The following UBE2H variants were observed in gnomAD, a reference collection of about 807,000 sequenced individuals.
UBE2H encodes ubiquitin-conjugating enzyme E2 H.
Under a neutral mutation model 29.0 loss-of-function variants are expected in UBE2H, and 3 were observed. The ratio of observed to expected loss-of-function variants is 0.10; its 90% CI spans 0.05 to 0.27. The LOEUF (loss-of-function observed/expected upper bound fraction) is 0.27. Ranked by LOEUF, UBE2H falls within the 10% of genes least tolerant of loss-of-function variation. The pLI is 1.00. For missense variants in UBE2H, 68 were observed against 228.2 expected, an observed-to-expected ratio of 0.30 and a Z score of 4.52; for synonymous variants, 69 against 82.9, an observed-to-expected ratio of 0.83 and a Z score of 0.91.
intron 3 of UBE2H, among the ~76,000 whole-genome samples, chr7:129,859,183 C>T (rs922395717): frequency 2.0e-5 from 3 of 152,144 alleles, no homozygotes; most frequent in African/African-American, 7.2e-5. Flanking sequence ...TTATACAAAA[C>T]AATCATTAAA....
Position 129,887,949 on chromosome 7 carries a change from A to G in UBE2H, c.54-6978T>C, listed in dbSNP as rs367694418. 1.7e-3 allele frequency among the ~76,000 whole-genome samples: 252 copies of G among 152,256 alleles called. 3 individuals carry two copies. Among genetic ancestry groups the G allele is most frequent in the Middle Eastern group, 0.014 (4 of 294 alleles). On this transcript the variant is annotated intron_variant, in intron 1 of 6. Transcript: ENST00000355621. ...AGACTTTACATTGAAAGAGAAGCAT[A>G]CTCTGCTAACATTCTGAAGGAAACA... is the stretch of plus-strand genomic sequence containing the variant.
At chr7:129,866,068 C>T (rs1054813712) in intron 3 of UBE2H, among the ~76,000 whole-genome samples, 8 of 152,124 alleles carry the variant, frequency 5.3e-5, no homozygotes, top group African/African-American at 1.7e-4. Flanking sequence ...AGCCTGTGCC[C>T]GGGTAGAAAT....
intron 1 of UBE2H, among the ~76,000 whole-genome samples, chr7:129,943,469 A>C (rs532437431): frequency 6.6e-6 from 1 of 152,254 alleles, no homozygotes; most frequent in East Asian, 1.9e-4. Context: ...ATCAGCTTTA[A>C]CCAAATTCAG....
At chr7:129,898,658 G>A (rs1563039180) in intron 1 of UBE2H, among the ~76,000 whole-genome samples, 1 of 152,096 alleles carries the variant, frequency 6.6e-6, no homozygotes, top group African/African-American at 2.4e-5. Flanking sequence ...TTTGCACCAC[G>A]GAGACAAGTA....
chr7:129,919,313 T>C (rs1807109040), intron 1 of UBE2H, among the ~76,000 whole-genome samples: 1 of 152,042 alleles, frequency 6.6e-6, no homozygotes, highest in East Asian at 1.9e-4. Flanking sequence ...GACCATCACG[T>C]TTAATACCAG....
chr7:129,910,954 C>T (rs1806923559), intron 1 of UBE2H, among the ~76,000 whole-genome samples: 1 of 152,114 alleles, frequency 6.6e-6, no homozygotes, highest in Non-Finnish European at 1.5e-5. Context: ...AGGAGACAGA[C>T]TAGATGCAGG....
chr7:129,894,757 G>C lies in UBE2H; in HGVS notation c.54-13786C>G, dbSNP rs183732951. On this transcript the variant is annotated intron_variant, in intron 1 of 6. Transcript: ENST00000355621. ...ACTGGCCTCAGCCTCCCAAAGTGCT[G>C]GCATTACAGGCCTGAGCCACCGCGC... Among the ~76,000 whole-genome samples, 1,502 of 151,800 alleles carry C rather than the reference G, an allele frequency of 9.9e-3. 37 individuals are homozygous for C. Among genetic ancestry groups the C allele is most frequent in the African/African-American group, 0.035 (1,434 of 41,402 alleles).
chr7:129,870,755 C>A (rs1806014000), intron 3 of UBE2H, among the ~76,000 whole-genome samples: 1 of 152,126 alleles, frequency 6.6e-6, no homozygotes, highest in Non-Finnish European at 1.5e-5. Context: ...CACTCCCCTG[C>A]TGAAAACTAT....
chr7:129,901,443 G>C (rs1276732616), intron 1 of UBE2H, among the ~76,000 whole-genome samples: 1 of 152,204 alleles, frequency 6.6e-6, no homozygotes, highest in Admixed American at 6.5e-5. Context: ...TGGTGGGATA[G>C]AGGTCGGTGG....
At chr7:129,879,958 T>TC (rs1393595338) in intron 2 of UBE2H, among the ~76,000 whole-genome samples, 1 of 151,432 alleles carries the variant, frequency 6.6e-6, no homozygotes, top group African/African-American at 2.4e-5. Flanking sequence ...CCCATATTCA[T>TC]CCCCCCTCCA....
chr7:129,926,367 A>G (rs1807270341), intron 1 of UBE2H, among the ~76,000 whole-genome samples: 1 of 151,796 alleles, frequency 6.6e-6, no homozygotes, highest in Non-Finnish European at 1.5e-5. Context: ...AAATTAGCCC[A>G]GTGTGGTGGC....
chr7:129,837,655 G>A (rs552526249), intron 6 of UBE2H, among the ~76,000 whole-genome samples: 2 of 152,220 alleles, frequency 1.3e-5, no homozygotes, highest in South Asian at 4.2e-4. Flanking sequence ...TTGGTGGTGG[G>A]AGTGAGTTTG....
At position 129,834,682 on chromosome 7, in the gene UBE2H, G is replaced by A. The variant is rs1805290213; in HGVS notation, c.*255C>T. On this transcript the variant is annotated 3_prime_UTR_variant, in exon 7 of 7. Transcript: ENST00000355621. ...GCACACAGGCTGACTTGGCCACATG[G>A]ACTCATGAATGCATGCATTCAGACC... is the stretch of plus-strand genomic sequence containing the variant. 1 of 337,486 alleles carries A rather than the reference G, an allele frequency of 3.0e-6. No individual in the cohort carries two copies. Among genetic ancestry groups the A allele is most frequent in the Non-Finnish European group, 5.4e-6 (1 of 186,518 alleles). 20.9% of individuals were successfully genotyped at this position (337,486 alleles called of 1,614,324 possible). A position where few individuals can be genotyped will look rare whatever the true frequency, so the allele number is the denominator to read the frequency against.
chr7:129,925,505 A>G (rs576478537), intron 1 of UBE2H, among the ~76,000 whole-genome samples: 3 of 152,194 alleles, frequency 2.0e-5, no homozygotes, highest in Non-Finnish European at 4.4e-5. Flanking sequence ...GCGAAACAAC[A>G]TTCACTGTGA....
intron 3 of UBE2H, among the ~76,000 whole-genome samples, chr7:129,861,673 C>T (rs1805806056): frequency 6.6e-6 from 1 of 152,192 alleles, no homozygotes; most frequent in African/African-American, 2.4e-5. Context: ...GGACGGATTA[C>T]TTGATGTCAG....
intron 5 of UBE2H, chr7:129,857,274 T>C (rs1249893494): frequency 5.6e-6 from 3 of 539,738 alleles, no homozygotes; most frequent in Non-Finnish European, 9.8e-6. Flanking sequence ...TGTGCACATG[T>C]ATCACTATAC....
intron 3 of UBE2H, among the ~76,000 whole-genome samples, chr7:129,877,160 T>C (rs1806162771): frequency 6.6e-6 from 1 of 152,064 alleles, no homozygotes; most frequent in Non-Finnish European, 1.5e-5. Flanking sequence ...ACACACAAAA[T>C]AGAACAAAGT....
At chr7:129,878,950 C>CTGTCACTGAGTGCCTCAATGGGG in intron 3 of UBE2H, among the ~76,000 whole-genome samples, 1 of 151,318 alleles carries the variant, frequency 6.6e-6, no homozygotes. Context: ...TCAGATAGAT[C>CTGTCACTGAGTGCCTCAATGGGG]TGTCACTGAG....
rs572786954 is a variant in UBE2H at position 129,948,766 on chromosome 7, C to T, written c.53+3737G>A. Among the ~76,000 whole-genome samples, 82 of 152,230 alleles carry T rather than the reference C, an allele frequency of 5.4e-4. 1 individual carries two copies. The highest frequency in any genetic ancestry group is 1.2e-4 in the Non-Finnish European group (8 of 68,020). ...ACAAAATTGTACATATGGTGTATGCCGGTCCCCATTATTATCCGATCTACT... is the reference window on the plus strand; with the variant it reads ...ACAAAATTGTACATATGGTGTATGCTGGTCCCCATTATTATCCGATCTACT... On this transcript the variant is annotated intron_variant, in intron 1 of 6. Coordinates refer to ENST00000355621, the MANE Select transcript of UBE2H (RefSeq NM_003344.4).
Sources: gnomAD v4.1 joint callset for allele counts (sites outside exome capture counted in the v4.1 genomes callset) on GRCh38, gnomAD v4.1.1 for gene constraint, MANE v1.5 for transcripts, NCBI Gene and HGNC (gene_info 2026-07-23, HGNC 2026-07-21) for gene names.